CORO2B: variants seen among roughly 807,000 people sequenced by gnomAD.
CORO2B encodes coronin-2B.
Under a neutral mutation model 58.8 loss-of-function variants are expected in CORO2B, and 26 were observed. That is an observed-to-expected ratio of 0.44 (90% confidence interval 0.32 to 0.61). CORO2B has a LOEUF of 0.61. CORO2B is among the 20% of genes least tolerant of loss of function. CORO2B has a pLI of 0.04. For synonymous variants in CORO2B, 242 were observed against 253.8 expected (o/e 0.95, Z 0.44); for missense variants, 460 against 645.1 (o/e 0.71, Z 3.11).
At chr15:68,691,986 ACT>A (rs1892390044) in intron 2 of CORO2B, among the ~76,000 whole-genome samples, 1 of 152,148 alleles carries the variant, frequency 6.6e-6, no homozygotes, top group African/African-American at 2.4e-5. Context: ...GGAAGGAATG[ACT>A]CTGTCAGAGA....
chr15:68,624,240 G>A (rs1900611863), intron 1 of CORO2B, among the ~76,000 whole-genome samples: 1 of 152,284 alleles, frequency 6.6e-6, no homozygotes, highest in South Asian at 2.1e-4. Context: ...CACAAGACTT[G>A]CAGTGGTGTG....
At chr15:68,525,500 T>C in the CORO2B span, among the ~76,000 whole-genome samples, 1 of 152,232 alleles carries the variant, frequency 6.6e-6, no homozygotes, top group African/African-American at 2.4e-5. Context: ...ACTCGATTCT[T>C]GACAGAGCCT....
At chr15:68,617,198 C>A (rs1186343644) in intron 1 of CORO2B, among the ~76,000 whole-genome samples, 2 of 141,632 alleles carry the variant, frequency 1.4e-5, no homozygotes, top group Admixed American at 1.4e-4. Flanking sequence ...TATCCTGACA[C>A]TGGTGGCTGT....
intron 1 of CORO2B, chr15:68,632,053 C>G (rs1044837889): frequency 1.5e-5 from 15 of 985,322 alleles, no homozygotes; most frequent in Non-Finnish European, 1.8e-5. Flanking sequence ...GCCAGGCCTC[C>G]CAGGCTCCCA....
At chr15:68,551,635 G>T in the CORO2B span, among the ~76,000 whole-genome samples, 1 of 152,116 alleles carries the variant, frequency 6.6e-6, no homozygotes, top group Non-Finnish European at 1.5e-5. Context: ...GACCCCCAGA[G>T]CCCCTGTGAG....
At chr15:68,698,720 G>C (rs529494315) in intron 3 of CORO2B, among the ~76,000 whole-genome samples, 1 of 152,120 alleles carries the variant, frequency 6.6e-6, no homozygotes, top group African/African-American at 2.4e-5. Context: ...GGTTTTGCTC[G>C]TCTCTGAAAC....
the CORO2B span, among the ~76,000 whole-genome samples, chr15:68,525,499 T>G: frequency 6.6e-6 from 1 of 152,234 alleles, no homozygotes; most frequent in African/African-American, 2.4e-5. Flanking sequence ...AACTCGATTC[T>G]TGACAGAGCC....
chr15:68,683,032 G>T (rs888704984), intron 2 of CORO2B, among the ~76,000 whole-genome samples: 2 of 152,202 alleles, frequency 1.3e-5, no homozygotes, highest in Non-Finnish European at 2.9e-5. Flanking sequence ...ATGCACACAG[G>T]AGAAGTTCTG....
the CORO2B span, among the ~76,000 whole-genome samples, chr15:68,556,025 G>A: frequency 1.1e-3 from 175 of 152,368 alleles, no homozygotes; most frequent in Non-Finnish European, 1.9e-3. Flanking sequence ...AAAGAAGGAA[G>A]AGAATCCACT....
intron 2 of CORO2B, among the ~76,000 whole-genome samples, chr15:68,684,287 C>T (rs980499966): frequency 6.6e-6 from 1 of 152,122 alleles, no homozygotes; most frequent in African/African-American, 2.4e-5. Flanking sequence ...ATAGATGACC[C>T]GCAAGGAGAA....
At chr15:68,709,560 G>A (rs1057213237) in intron 3 of CORO2B, among the ~76,000 whole-genome samples, 3 of 148,990 alleles carry the variant, frequency 2.0e-5, no homozygotes, top group Non-Finnish European at 3.0e-5. Flanking sequence ...GGCCTCAAGC[G>A]ATCCTCCCAT....
intron 11 of CORO2B, among the ~76,000 whole-genome samples, chr15:68,722,432 A>G (rs1491637): frequency 0.87 from 132,569 of 152,210 alleles, 59,168 homozygotes; most frequent in Non-Finnish European, 0.96. Flanking sequence ...AGGTGGACGC[A>G]TTGATCTAAG....
intron 1 of CORO2B, among the ~76,000 whole-genome samples, chr15:68,595,059 A>G (rs554293482): frequency 1.3e-4 from 20 of 152,288 alleles, no homozygotes; most frequent in Admixed American, 1.1e-3. Context: ...GTATTTTAAG[A>G]GTCAGTTGAG....
chr15:68,564,715 G>A, the CORO2B span, among the ~76,000 whole-genome samples: 5 of 152,186 alleles, frequency 3.3e-5, no homozygotes, highest in African/African-American at 1.2e-4. Flanking sequence ...AATGGAACCT[G>A]AGTTACTCAG....
At chr15:68,696,886 C>T (rs72625782) in intron 3 of CORO2B, among the ~76,000 whole-genome samples, 22,873 of 152,240 alleles carry the variant, frequency 0.15, 2,317 homozygotes, top group Admixed American at 0.29. Flanking sequence ...AAGCATCTAC[C>T]TGGTGCTCAC....
At chr15:68,567,109 C>T in the CORO2B span, among the ~76,000 whole-genome samples, 1 of 152,112 alleles carries the variant, frequency 6.6e-6, no homozygotes, top group Non-Finnish European at 1.5e-5. Context: ...ACAGGGTATA[C>T]CATGTGCTTA....
chr15:68,577,897 G>GC (rs1899320154), upstream of CORO2B, among the ~76,000 whole-genome samples: 1 of 152,096 alleles, frequency 6.6e-6, no homozygotes, highest in South Asian at 2.1e-4. Context: ...ATATGACGTT[G>GC]CCTTCGCTGT....
At chr15:68,678,917 G>A (rs1902677348) in intron 2 of CORO2B, among the ~76,000 whole-genome samples, 1 of 152,210 alleles carries the variant, frequency 6.6e-6, no homozygotes, top group Non-Finnish European at 1.5e-5. Flanking sequence ...TAGAGGCCAG[G>A]GGACCGCTGT....
intron 3 of CORO2B, among the ~76,000 whole-genome samples, chr15:68,696,688 G>T (rs1395042857): frequency 6.6e-6 from 1 of 152,160 alleles, no homozygotes; most frequent in Non-Finnish European, 1.5e-5. Context: ...CCTTCCAGAG[G>T]GAGGGTCCCA....
Sources: allele counts gnomAD v4.1 joint callset (sites outside exome capture counted in the v4.1 genomes callset), GRCh38; gene constraint gnomAD v4.1.1; transcripts MANE v1.5; gene names NCBI Gene and HGNC (gene_info 2026-07-23, HGNC 2026-07-21).